Variants in SCARB1 observed in about 807,000 individuals in gnomAD.
SCARB1 encodes the protein CD36 and LIMPII analogous 1.
A neutral mutation model predicts 57.2 loss-of-function variants in SCARB1; 30 were observed. The ratio of observed to expected loss-of-function variants is 0.52; its 90% CI spans 0.39 to 0.71. The LOEUF is 0.71. Among genes scored for constraint, SCARB1 ranks in the 30% least tolerant of loss-of-function variants. The probability of loss-of-function intolerance (pLI) is 0.00; values close to 1 mark genes in which losing one functional copy is unlikely to be tolerated. For synonymous variants in SCARB1, 249 were observed against 268.3 expected, an observed-to-expected ratio of 0.93 and a Z score of 0.70; for missense variants, 543 against 671.2, an observed-to-expected ratio of 0.81 and a Z score of 2.11.
At position 124,807,635 on chromosome 12, in the gene SCARB1, T is replaced by G; in HGVS notation, c.1009+126A>C. 1.1e-6 allele frequency: 1 copy of G among 903,268 alleles called. No individual in the cohort carries two copies. The highest frequency in any genetic ancestry group is 2.5e-5 in the Admixed American group (1 of 39,904). The allele number at this position is 903,268 out of a possible 1,614,324, so 56.0% of individuals were successfully genotyped here. ...ATTATCTTCCTGCGGCCTCATTATCTTCGCCTAATGGGATTATCAAGAGTA... is the reference window on the plus strand; with the variant it reads ...ATTATCTTCCTGCGGCCTCATTATCGTCGCCTAATGGGATTATCAAGAGTA... On this transcript the variant is annotated intron_variant, in intron 7 of 12. Coordinates refer to ENST00000261693, the MANE Select transcript of SCARB1 (RefSeq NM_005505.5). The surrounding 1 kb of genome is among the most constrained non-coding windows in gnomAD (Gnocchi z 5.3).
chr12:124,861,671 C>T (rs554006574), intron 1 of SCARB1, among the ~76,000 whole-genome samples: 2 of 152,334 alleles, frequency 1.3e-5, no homozygotes, highest in East Asian at 3.9e-4. Context: ...AAGTGGCCGT[C>T]TTGGGCTGGG....
intron 1 of SCARB1, among the ~76,000 whole-genome samples, chr12:124,853,124 G>T (rs74500399): frequency 0.044 from 6,737 of 152,128 alleles, 517 homozygotes; most frequent in African/African-American, 0.15. Context: ...GCTTCAAAAG[G>T]TTACATTTAA....
In SCARB1 at chr12:124,786,500, C is replaced by T. The variant is rs147047696; in HGVS notation, c.1258G>A (p.Gly420Arg). The stretch of plus-strand genomic sequence containing the variant: ...TGAAGAGTCTCCCCCTCCATGGCCC[C>T]GCTCTGAGGAGACAGAATGACAAAC... Reference protein sequence around the residue: ...VLPLLWFAESGAMEGETLHTF... With the variant: ...VLPLLWFAESRAMEGETLHTF... The change falls in exon 11 of 13, where the codon GGG (glycine) becomes AGG (arginine). Residue 420 changes from glycine to arginine, a missense_variant. Transcript: ENST00000261693. 25 of 1,613,912 alleles carry T rather than the reference C, an allele frequency of 1.5e-5. No homozygotes were observed. Among genetic ancestry groups the T allele is most frequent in the Non-Finnish European group, 9.3e-6 (11 of 1,180,034 alleles).
intron 1 of SCARB1, chr12:124,821,489 C>G: frequency 1.0e-6 from 1 of 985,202 alleles, no homozygotes; most frequent in Non-Finnish European, 1.2e-6. Context: ...CTCTCTCTCT[C>G]TCTCTCTCTC....
At chr12:124,798,953 C>T (rs1950042248) in intron 8 of SCARB1, among the ~76,000 whole-genome samples, 2 of 151,734 alleles carry the variant, frequency 1.3e-5, no homozygotes, top group Admixed American at 6.6e-5. Context: ...TTCAGTTAGA[C>T]AGGGGGAGTA....
intron 1 of SCARB1, among the ~76,000 whole-genome samples, chr12:124,832,645 A>T (rs1951452946): frequency 6.6e-6 from 1 of 152,238 alleles, no homozygotes; most frequent in African/African-American, 2.4e-5. Context: ...AAAAGGAAAA[A>T]ATGTGCACCC....
Position 124,811,926 on chromosome 12 carries a change from C to A in SCARB1, c.670G>T (p.Gly224Trp). The change falls in exon 5 of 13, where the codon GGG (glycine) becomes TGG (tryptophan). Residue 224 changes from glycine (G) to tryptophan (W), a missense_variant. Transcript: ENST00000261693. ...SDSGLFTVFT[G>W]VQNISRIHLV... ...TGGATCCTGCTGATGTTCTGGACCC[C>A]CGTGAACACCGTGAAGAGCCCAGAG... The A allele has an allele frequency of 6.2e-7, 1 of 1,613,366 alleles. No homozygotes were observed. Among genetic ancestry groups the A allele is most frequent in the Non-Finnish European group, 8.5e-7 (1 of 1,179,708 alleles).
intron 1 of SCARB1, among the ~76,000 whole-genome samples, chr12:124,842,086 A>C (rs1381385533): frequency 6.6e-6 from 1 of 152,196 alleles, no homozygotes; most frequent in East Asian, 1.9e-4. Context: ...GGTGGTTCAT[A>C]AACAGCTGCC....
intron 12 of SCARB1, among the ~76,000 whole-genome samples, chr12:124,781,308 G>A (rs1399834236): frequency 6.6e-6 from 1 of 152,214 alleles, no homozygotes; most frequent in Non-Finnish European, 1.5e-5. Context: ...GCTGCCTCAC[G>A]TCCCCACAAT....
intron 1 of SCARB1, among the ~76,000 whole-genome samples, chr12:124,830,697 G>C (rs936444027): frequency 6.6e-6 from 1 of 152,040 alleles, no homozygotes; most frequent in Non-Finnish European, 1.5e-5. Flanking sequence ...TTGGTATAGG[G>C]GGTCATTACA....
rs1949943237 is a variant in SCARB1 at position 124,796,337 on chromosome 12, G to C, written c.1129-1069C>G. ...ACTCCTAGCCTCAAGTGATCTTCCTGCCTCAGCCTCCCAAAGCAGTGGAAT... is the reference window on the plus strand; with the variant it reads ...ACTCCTAGCCTCAAGTGATCTTCCTCCCTCAGCCTCCCAAAGCAGTGGAAT... On this transcript the variant is annotated intron_variant, in intron 8 of 12. Transcript: ENST00000261693. This position sits in a 1 kb window ranked among gnomAD's most constrained non-coding sequence, Gnocchi z 4.0. Among the ~76,000 whole-genome samples, 1 of 152,054 alleles carries C rather than the reference G, an allele frequency of 6.6e-6. No homozygotes were observed. The highest frequency in any genetic ancestry group is 1.5e-5 in the Non-Finnish European group (1 of 68,020).
chr12:124,853,960 AC>A (rs1952530847), intron 1 of SCARB1, among the ~76,000 whole-genome samples: 1 of 152,162 alleles, frequency 6.6e-6, no homozygotes, highest in Non-Finnish European at 1.5e-5. Flanking sequence ...ATATTTGAGA[AC>A]CTGCGATTAT....
intron 2 of SCARB1, among the ~76,000 whole-genome samples, chr12:124,815,338 C>T (rs1465745005): frequency 2.6e-5 from 4 of 152,202 alleles, no homozygotes; most frequent in African/African-American, 9.6e-5. Context: ...GTTCTGCTCT[C>T]CCCCACCCAA....
chr12:124,828,342 G>C (rs1951246174), intron 1 of SCARB1, among the ~76,000 whole-genome samples: 1 of 151,964 alleles, frequency 6.6e-6, no homozygotes, highest in South Asian at 2.1e-4. Flanking sequence ...AAGCCCACTG[G>C]AACGACCTCG....
intron 9 of SCARB1, among the ~76,000 whole-genome samples, chr12:124,787,724 C>CAA (rs776089482): frequency 0.063 from 9,057 of 144,728 alleles, 413 homozygotes; most frequent in African/African-American, 0.13. Flanking sequence ...TTTTTTTTTT[C>CAA]TTTAGTTGAC....
rs780538718 is a variant in SCARB1, at chr12:124,810,688, T to C, written c.727-399A>G. On this transcript the variant is annotated intron_variant, in intron 5 of 12. Transcript: ENST00000261693. This position sits in a 1 kb window ranked among gnomAD's most constrained non-coding sequence, Gnocchi z 4.0. Reference sequence around the variant, plus strand: ...ACAGGCAAACTACTTAAAATCATAATGGTGGCCACCACCGGGCAACCCCAA... The same window carrying C: ...ACAGGCAAACTACTTAAAATCATAACGGTGGCCACCACCGGGCAACCCCAA... 6.6e-6 allele frequency among the ~76,000 whole-genome samples: 1 copy of C among 152,038 alleles called. No homozygotes were observed. The highest frequency in any genetic ancestry group is 6.6e-5 in the Admixed American group (1 of 15,264).
intron 8 of SCARB1, among the ~76,000 whole-genome samples, chr12:124,797,502 T>A (rs1260131470): frequency 1.4e-4 from 21 of 152,172 alleles, no homozygotes; most frequent in Admixed American, 1.4e-3. Context: ...CCTCTCCCCG[T>A]CGGCCTCAAG....
At chr12:124,815,983 C>T (rs1035022772) in intron 2 of SCARB1, among the ~76,000 whole-genome samples, 4 of 152,166 alleles carry the variant, frequency 2.6e-5, no homozygotes, top group African/African-American at 9.7e-5. Flanking sequence ...CAGGCCTCGT[C>T]TCTCCACTGT....
At chr12:124,809,797 G>C (rs888423243) in intron 6 of SCARB1, among the ~76,000 whole-genome samples, 15 of 152,352 alleles carry the variant, frequency 9.8e-5, no homozygotes, top group African/African-American at 3.6e-4. Flanking sequence ...AGCTGAGCCT[G>C]AAGGGGCCAA....
Sources: allele counts gnomAD v4.1 joint callset (sites outside exome capture counted in the v4.1 genomes callset), GRCh38; gene constraint gnomAD v4.1.1; non-coding constraint Gnocchi (gnomAD v3.1); transcripts MANE v1.5; gene names NCBI Gene and HGNC (gene_info 2026-07-23, HGNC 2026-07-21).